The following PEX11G variants were observed in gnomAD, a reference collection of about 807,000 sequenced individuals.
PEX11G encodes the protein peroxisomal membrane protein 11C.
A neutral mutation model predicts 22.5 loss-of-function variants in PEX11G; 20 were observed. That is an observed-to-expected ratio of 0.89 (90% CI 0.62 to 1.29). The LOEUF is 1.29. PEX11G is among the 50% of genes most tolerant of loss of function. PEX11G has a pLI of 0.00. For synonymous variants in PEX11G, 141 were observed against 154.5 expected, an observed-to-expected ratio of 0.91 and a Z score of 0.65; for missense variants, 347 against 331.3, an observed-to-expected ratio of 1.05 and a Z score of -0.37.
At chr19:7,479,251 A>T (rs563051021) in intron 3 of PEX11G, among the ~76,000 whole-genome samples, 1 of 152,314 alleles carries the variant, frequency 6.6e-6, no homozygotes, top group African/African-American at 2.4e-5. Context: ...TGGGAGGCCA[A>T]GGCCGGTGGA....
At chr19:7,493,693 C>A (rs376247502), upstream of PEX11G, among the ~76,000 whole-genome samples, 5 of 152,148 alleles carry the variant, frequency 3.3e-5, no homozygotes, top group African/African-American at 1.2e-4. Context: ...TTAACTTCCA[C>A]ATCCAGCTCC....
Position 7,477,279 on chromosome 19 carries a change from T to C in PEX11G, c.649A>G (p.Met217Val), listed in dbSNP as rs1423828962. ...GRFPPWLVGL[M>V]GTISSILSMY... ...CTGAGGATTGAGGAGATGGTGCCCA[T>C]GAGGCCCACTAGCCACGGCGGGAAG... Residue 217 changes from methionine to valine, a missense_variant, in exon 5 of 5, where the codon ATG (methionine) becomes GTG (valine). Physicochemically the swap from Met to Val is conservative, Grantham distance 21 (BLOSUM62 1). Coordinates refer to ENST00000221480, the MANE Select transcript of PEX11G (RefSeq NM_080662.4). 4.4e-6 allele frequency: 7 copies of C among 1,585,134 alleles called. No homozygotes were observed. In the Admixed American group the frequency reaches 1.3e-4, roughly 29 times the overall value.
upstream of PEX11G, among the ~76,000 whole-genome samples, chr19:7,492,160 C>G (rs1287367699): frequency 6.6e-6 from 1 of 152,076 alleles, no homozygotes; most frequent in Non-Finnish European, 1.5e-5. Flanking sequence ...AGTTGGAGTC[C>G]CTGGATTCCA....
chr19:7,489,305 A>G (rs1186545886), upstream of PEX11G: 4 of 1,182,796 alleles, frequency 3.4e-6, no homozygotes, highest in South Asian at 9.2e-5. Context: ...AGTTTAACCA[A>G]CTACCCACAC....
intron 1 of PEX11G, among the ~76,000 whole-genome samples, chr19:7,487,207 T>C (rs2021699849): frequency 6.6e-6 from 1 of 152,126 alleles, no homozygotes; most frequent in Admixed American, 6.6e-5. Flanking sequence ...ACTTCCCACC[T>C]CCTAGGTCCT....
intron 1 of PEX11G, 121 bp from the exon 2 acceptor site, chr19:7,486,147 G>T (rs567112440): frequency 3.8e-5 from 32 of 843,532 alleles, no homozygotes; most frequent in East Asian, 1.7e-4. Flanking sequence ...TTTTTTTTTT[G>T]AAAGAGTCTC....
upstream of PEX11G, among the ~76,000 whole-genome samples, chr19:7,493,615 C>T (rs73488463): frequency 0.064 from 9,706 of 152,018 alleles, 782 homozygotes; most frequent in African/African-American, 0.19. Flanking sequence ...AAGTGATCCT[C>T]CATCCTCAGC....
At chr19:7,479,037 CTG>C (rs1279987127) in intron 3 of PEX11G, among the ~76,000 whole-genome samples, 11 of 152,348 alleles carry the variant, frequency 7.2e-5, no homozygotes, top group Admixed American at 7.2e-4. Context: ...CGGGTTGTGA[CTG>C]TGACAGAATG....
In PEX11G at chr19:7,485,379, G is replaced by A. The variant is rs187911698; in HGVS notation, c.249+459C>T. 3.4e-3 allele frequency among the ~76,000 whole-genome samples: 505 copies of A among 150,462 alleles called. 2 individuals carry two copies. The highest frequency in any genetic ancestry group is 0.012 in the African/African-American group (483 of 41,018). Reference sequence around the variant, plus strand: ...AGAGACAGGGTTTTTTTTTTTAGACGGAGTCTCGCTCTGTCGTCCAGGCTG... The same window carrying A: ...AGAGACAGGGTTTTTTTTTTTAGACAGAGTCTCGCTCTGTCGTCCAGGCTG... On this transcript the variant is annotated intron_variant, in intron 2 of 4. Coordinates refer to ENST00000221480, the MANE Select transcript of PEX11G (RefSeq NM_080662.4).
chr19:7,478,429 G>C, intron 3 of PEX11G, 53 bp from the exon 4 acceptor site: 4 of 1,545,920 alleles, frequency 2.6e-6, no homozygotes, highest in Non-Finnish European at 3.5e-6. Flanking sequence ...AGGAGGGTTA[G>C]CTCCACAACG....
chr19:7,477,460 T>C, intron 4 of PEX11G, 24 bp from the exon 5 acceptor site: 1 of 1,404,034 alleles, frequency 7.1e-7, no homozygotes, highest in Non-Finnish European at 9.3e-7. Flanking sequence ...AGGGGCCGCT[T>C]ACACTCACGC....
chr19:7,479,959 C>T (rs1316226709), intron 3 of PEX11G, among the ~76,000 whole-genome samples: 1 of 152,026 alleles, frequency 6.6e-6, no homozygotes, highest in African/African-American at 2.4e-5. Context: ...GAGCCTAAAA[C>T]TGCTCTAAAA....
upstream of PEX11G, among the ~76,000 whole-genome samples, chr19:7,493,261 C>A (rs984137480): frequency 7.4e-6 from 1 of 135,756 alleles, no homozygotes; most frequent in Non-Finnish European, 1.6e-5. Context: ...GGCATGATTT[C>A]GGCTCACTGC....
chr19:7,480,830 CA>C (rs1284178660), intron 3 of PEX11G, among the ~76,000 whole-genome samples: 1 of 152,168 alleles, frequency 6.6e-6, no homozygotes, highest in Non-Finnish European at 1.5e-5. Flanking sequence ...ACATGGAGAC[CA>C]GGGGGCCCAG....
intron 3 of PEX11G, among the ~76,000 whole-genome samples, chr19:7,479,510 C>A (rs986368028): frequency 6.6e-6 from 1 of 152,170 alleles, no homozygotes; most frequent in Non-Finnish European, 1.5e-5. Context: ...GCCCTGGGCG[C>A]CGGACCCAGG....
Position 7,482,808 on chromosome 19 carries a change from C to T in PEX11G, c.250-597G>A, listed in dbSNP as rs371767675. On this transcript the variant is annotated intron_variant, in intron 2 of 4. Coordinates refer to ENST00000221480, the MANE Select transcript of PEX11G (RefSeq NM_080662.4). ...CAAGGCTCATGGCCTCCCTCAACTC[C>T]GAGCAAGTTACAGACGGCCACGCTG... Among the ~76,000 whole-genome samples the T allele has an allele frequency of 1.6e-3, 251 of 152,352 alleles. 2 individuals are homozygous for T. Among genetic ancestry groups the T allele is most frequent in the African/African-American group, 5.6e-3 (233 of 41,574 alleles).
chr19:7,494,898 C>T (rs2145988498), intron 1 of PEX11G, among the ~76,000 whole-genome samples: 1 of 152,334 alleles, frequency 6.6e-6, no homozygotes, highest in African/African-American at 2.4e-5. Flanking sequence ...ACTGGACCTC[C>T]TCTGCTACTA....
intron 4 of PEX11G, among the ~76,000 whole-genome samples, chr19:7,478,106 G>C (rs1977315209): frequency 6.6e-6 from 1 of 152,244 alleles, no homozygotes; most frequent in Non-Finnish European, 1.5e-5. Flanking sequence ...GCGCAGCCAT[G>C]AAGGCTCAGC....
upstream of PEX11G, among the ~76,000 whole-genome samples, chr19:7,493,267 A>G (rs550954696): frequency 8.7e-5 from 12 of 138,464 alleles, no homozygotes; most frequent in South Asian, 2.6e-3. Context: ...ATTTCGGCTC[A>G]CTGCCATCTC....
Sources: allele counts gnomAD v4.1 joint callset (sites outside exome capture counted in the v4.1 genomes callset), GRCh38; gene constraint gnomAD v4.1.1; transcripts MANE v1.5; gene names NCBI Gene and HGNC (gene_info 2026-07-23, HGNC 2026-07-21).